QRSL1: variants seen among roughly 807,000 people sequenced by gnomAD.
The protein encoded by QRSL1 is glutaminyl-tRNA amidotransferase subunit QRSL1, also known as glutamyl-tRNA(Gln) amidotransferase subunit A, mitochondrial.
In QRSL1, 54 loss-of-function variants were observed where a neutral mutation model predicts 61.6. The observed-to-expected ratio is 0.88, with a 90% CI of 0.70 to 1.10. The LOEUF (loss-of-function observed/expected upper bound fraction) is 1.10, where lower values mean the gene tolerates loss of function less well. Among genes scored for constraint, QRSL1 ranks in the 50% least tolerant of loss-of-function variants. The probability of loss-of-function intolerance (pLI) is 0.00; values close to 1 mark genes in which losing one functional copy is unlikely to be tolerated. For missense variants in QRSL1, 505 were observed against 622.6 expected, an observed-to-expected ratio of 0.81 and a Z score of 2.01; for synonymous variants, 228 against 225.7, an observed-to-expected ratio of 1.01 and a Z score of -0.09.
In QRSL1 at chr6:106,667,306, T is replaced by C. The variant is rs186059277; in HGVS notation, c.*1304T>C. ...CTCTTGACTGTCTTTACGAGTGTTT[T>C]TTATTTGGGACCCTCGAGCCCAGAG... On this transcript the variant is annotated 3_prime_UTR_variant, in exon 11 of 11. Transcript: ENST00000369046. 573 of 152,330 alleles carry C rather than the reference T, an allele frequency of 3.8e-3. 3 individuals are homozygous for C. The highest frequency in any genetic ancestry group is 0.013 in the African/African-American group (539 of 41,576). The allele number at this position is 152,330 out of a possible 1,614,324, so 9.4% of individuals were successfully genotyped here.
chr6:106,640,292 T>A (rs1582408451), intron 1 of QRSL1, 57 bp from the exon 2 acceptor site: 983 of 1,108,492 alleles, frequency 8.9e-4, no homozygotes, highest in Non-Finnish European at 1.2e-3. Context: ...CCCACCAATA[T>A]AACAATTGAA....
intron 4 of QRSL1, among the ~76,000 whole-genome samples, chr6:106,646,859 T>C (rs1219896447): frequency 6.6e-6 from 1 of 151,604 alleles, no homozygotes; most frequent in Non-Finnish European, 1.5e-5. Flanking sequence ...AAACCCTGTC[T>C]CTACTAAAAA....
chr6:106,643,202 G>A lies in QRSL1; in HGVS notation c.380+112G>A. On this transcript the variant is annotated intron_variant, in intron 4 of 10. Transcript: ENST00000369046. ...CTAATGCCAGTTTCTTAGTCCCTCT[G>A]TGAGATTATGTTATGTTGTTTAATA... 5.5e-6 allele frequency: 4 copies of A among 726,264 alleles called. No homozygotes were observed. In the Middle Eastern group the frequency reaches 8.5e-4, roughly 155 times the overall value. 45.0% of individuals were successfully genotyped at this position (726,264 alleles called of 1,614,324 possible).
chr6:106,640,566 TA>T (rs1777002073), intron 2 of QRSL1, 58 bp downstream of exon 2: 19 of 1,394,764 alleles, frequency 1.4e-5, no homozygotes, highest in Non-Finnish European at 1.5e-5. Context: ...TAATTGTTTG[TA>T]GCAGTCTCCA....
At position 106,666,921 on chromosome 6, in the gene QRSL1, G is replaced by C. The variant is rs184795796; in HGVS notation, c.*919G>C. The C allele has an allele frequency of 1.3e-4, 20 of 152,302 alleles. No homozygotes were observed. Among genetic ancestry groups the C allele is most frequent in the Non-Finnish European group, 1.5e-5 (1 of 68,036 alleles). The allele number at this position is 152,302 out of a possible 1,614,324, so 9.4% of individuals were successfully genotyped here. On this transcript the variant is annotated 3_prime_UTR_variant, in exon 11 of 11. Coordinates refer to ENST00000369046, the MANE Select transcript of QRSL1 (RefSeq NM_018292.5). ...GGACTCCTTTTATTTCCCTAAGAAA[G>C]AGCTGAAATGACTGAGAACTTTCCT... is the stretch of plus-strand genomic sequence containing the variant.
At chr6:106,630,778 T>C (rs1776807745) in intron 1 of QRSL1, among the ~76,000 whole-genome samples, 1 of 152,202 alleles carries the variant, frequency 6.6e-6, no homozygotes, top group Admixed American at 6.5e-5. Flanking sequence ...GTTGTCGTTT[T>C]GTTTGTTTCC....
intron 10 of QRSL1, among the ~76,000 whole-genome samples, chr6:106,664,398 T>G (rs1205566564): frequency 6.6e-6 from 1 of 152,224 alleles, no homozygotes; most frequent in Admixed American, 6.5e-5. Context: ...GTACCAAGAT[T>G]CTTTATTTTG....
In QRSL1 at chr6:106,667,742, T is replaced by C. The variant is rs1456583019; in HGVS notation, c.*1740T>C. On this transcript the variant is annotated 3_prime_UTR_variant, in exon 11 of 11. Coordinates refer to ENST00000369046, the MANE Select transcript of QRSL1 (RefSeq NM_018292.5). ...TGTGCCAGGCTTAGTAATATTCCTATAGATTTTGACTCTGAATCCCTGAAA... is the reference window on the plus strand; with the variant it reads ...TGTGCCAGGCTTAGTAATATTCCTACAGATTTTGACTCTGAATCCCTGAAA... 6.6e-6 allele frequency: 1 copy of C among 152,122 alleles called. No homozygotes were observed. The highest frequency in any genetic ancestry group is 1.5e-5 in the Non-Finnish European group (1 of 68,018). The allele number at this position is 152,122 out of a possible 1,614,324, so 9.4% of individuals were successfully genotyped here. A position where few individuals can be genotyped will look rare whatever the true frequency, so the allele number is the denominator to read the frequency against.
chr6:106,644,407 C>T (rs568475671), intron 4 of QRSL1, among the ~76,000 whole-genome samples: 1 of 152,084 alleles, frequency 6.6e-6, no homozygotes, highest in Non-Finnish European at 1.5e-5. Flanking sequence ...ATCCTCTGAC[C>T]TCATCCTTCC....
chr6:106,664,424 G>A (rs1405678539), intron 10 of QRSL1, among the ~76,000 whole-genome samples: 2 of 152,164 alleles, frequency 1.3e-5, no homozygotes, highest in African/African-American at 4.8e-5. Flanking sequence ...TCTGTTTAGA[G>A]AAATTTCTTT....
At chr6:106,663,455 C>T (rs539049902) in intron 10 of QRSL1, among the ~76,000 whole-genome samples, 80 of 152,250 alleles carry the variant, frequency 5.3e-4, no homozygotes, top group Admixed American at 1.9e-3. Context: ...TCCACTTCTG[C>T]GAATGCCTCA....
intron 1 of QRSL1, among the ~76,000 whole-genome samples, chr6:106,639,138 TTTTTTTTTG>T (rs1562165175): frequency 3.5e-5 from 5 of 143,604 alleles, no homozygotes; most frequent in East Asian, 4.2e-4. Context: ...TTTTTTTTTT[TTTTTTTTTG>T]ACAGAGTCTG....
chr6:106,645,937 T>C (rs1777100458), intron 4 of QRSL1, among the ~76,000 whole-genome samples: 1 of 152,252 alleles, frequency 6.6e-6, no homozygotes, highest in African/African-American at 2.4e-5. Flanking sequence ...TTTCTTCTTC[T>C]TGCCTTACTG....
At chr6:106,636,164 A>G (rs530101116) in intron 1 of QRSL1, among the ~76,000 whole-genome samples, 38 of 152,232 alleles carry the variant, frequency 2.5e-4, no homozygotes, top group African/African-American at 8.2e-4. Flanking sequence ...TATAGTGCAC[A>G]TAGAGTACTC....
At position 106,665,546 on chromosome 6, in the gene QRSL1, T is replaced by C. The variant is rs140859632; in HGVS notation, c.1367-236T>C. Among the ~76,000 whole-genome samples the C allele has an allele frequency of 1.8e-4, 28 of 152,268 alleles. No homozygotes were observed. The East Asian group carries it at 5.2e-3, about 28-fold the overall frequency. On this transcript the variant is annotated intron_variant, in intron 10 of 10. Transcript: ENST00000369046. ...ATTATGGTAAAACCAAGTAATGGAG[T>C]ACTATACAGCAATAAGAAATGAATG...
At chr6:106,659,843 G>A (rs528018993) in intron 9 of QRSL1, among the ~76,000 whole-genome samples, 1 of 152,242 alleles carries the variant, frequency 6.6e-6, no homozygotes, top group African/African-American at 2.4e-5. Context: ...TTGGCTGTTC[G>A]AAACACAAAC....
At chr6:106,640,132 G>GA (rs1169838339) in intron 1 of QRSL1, 4 of 423,088 alleles carry the variant, frequency 9.5e-6, no homozygotes, top group African/African-American at 4.2e-5. Context: ...TGGCTAAGGA[G>GA]AAGAATGTCA....
intron 1 of QRSL1, among the ~76,000 whole-genome samples, chr6:106,639,130 T>TTTG (rs768148136): frequency 7.1e-6 from 1 of 139,996 alleles, no homozygotes; most frequent in African/African-American, 2.8e-5. Flanking sequence ...TTTTTTTTTT[T>TTTG]TTTTTTTTTT....
At chr6:106,648,278 G>C (rs1239346961) in intron 4 of QRSL1, among the ~76,000 whole-genome samples, 2 of 151,828 alleles carry the variant, frequency 1.3e-5, no homozygotes, top group Non-Finnish European at 2.9e-5. Flanking sequence ...ACTGCCAGTA[G>C]AGCGAGACTC....
Sources: allele counts gnomAD v4.1 joint callset (sites outside exome capture counted in the v4.1 genomes callset), GRCh38; gene constraint gnomAD v4.1.1; transcripts MANE v1.5; gene names NCBI Gene and HGNC (gene_info 2026-07-23, HGNC 2026-07-21).